The following ADK variants were observed in gnomAD, a reference collection of about 807,000 sequenced individuals.
ADK encodes N6,N6-dimethyladenosine kinase.
Under a neutral mutation model 44.7 loss-of-function variants are expected in ADK, and 24 were observed. The observed-to-expected ratio is 0.54, with a 90% confidence interval of 0.39 to 0.76. The LOEUF is 0.76. Ranked by LOEUF, ADK falls within the 30% of genes least tolerant of loss-of-function variation. ADK has a pLI of 0.00. For synonymous variants in ADK, 128 were observed against 142.6 expected (o/e 0.90, Z 0.73); for missense variants, 321 against 425.1 (o/e 0.76, Z 2.15).
intron 1 of ADK, among the ~76,000 whole-genome samples, chr10:74,179,850 G>T (rs1473508025): frequency 2.0e-5 from 3 of 152,090 alleles, no homozygotes; most frequent in Non-Finnish European, 4.4e-5. Flanking sequence ...TTATGGACTT[G>T]CCTTGAATTC....
At chr10:74,193,497 A>G (rs1843021306) in intron 1 of ADK, among the ~76,000 whole-genome samples, 1 of 151,786 alleles carries the variant, frequency 6.6e-6, no homozygotes, top group Admixed American at 6.6e-5. Flanking sequence ...ATAAAAGTGT[A>G]TCTTGTGCTA....
intron 3 of ADK, among the ~76,000 whole-genome samples, chr10:74,288,129 G>A (rs1451948855): frequency 1.3e-5 from 2 of 152,036 alleles, no homozygotes; most frequent in African/African-American, 4.8e-5. Context: ...AGACATGAGT[G>A]TAAAGCATAT....
At chr10:74,203,217 C>T (rs554224481) in intron 2 of ADK, among the ~76,000 whole-genome samples, 2 of 152,268 alleles carry the variant, frequency 1.3e-5, no homozygotes, top group African/African-American at 4.8e-5. Flanking sequence ...TTCTTTTCCC[C>T]ACTGAATGAT....
intron 9 of ADK, among the ~76,000 whole-genome samples, chr10:74,634,507 C>A (rs1463834719): frequency 6.6e-6 from 1 of 152,140 alleles, no homozygotes; most frequent in Non-Finnish European, 1.5e-5. Context: ...GCCACCATGC[C>A]CGGCTGGCAT....
At chr10:74,258,565 T>C (rs997857363) in intron 3 of ADK, among the ~76,000 whole-genome samples, 3 of 152,184 alleles carry the variant, frequency 2.0e-5, no homozygotes, top group Non-Finnish European at 4.4e-5. Flanking sequence ...CTTAGCAGGA[T>C]ACGGTACATC....
chr10:74,397,356 GA>G (rs753121457), intron 5 of ADK, among the ~76,000 whole-genome samples: 2 of 151,462 alleles, frequency 1.3e-5, no homozygotes, highest in African/African-American at 2.4e-5. Flanking sequence ...GAAATGATAA[GA>G]TTTTTTTTGT....
chr10:74,212,888 A>G (rs1248796229), intron 2 of ADK, among the ~76,000 whole-genome samples: 1 of 200 alleles, frequency 5.0e-3, no homozygotes, highest in African/African-American at 0.016. Flanking sequence ...TGATTTAATG[A>G]AGAGGGTAAA....
intron 2 of ADK, among the ~76,000 whole-genome samples, chr10:74,206,914 G>T (rs1843619152): frequency 6.6e-6 from 1 of 152,144 alleles, no homozygotes; most frequent in Non-Finnish European, 1.5e-5. Context: ...AGGTTTGCTT[G>T]TGCCTGCCAG....
chr10:74,523,107 A>G (rs1472335237), intron 6 of ADK, among the ~76,000 whole-genome samples: 2 of 152,142 alleles, frequency 1.3e-5, no homozygotes, highest in Non-Finnish European at 1.5e-5. Flanking sequence ...TAACTTCTCT[A>G]TCTTGCTTTA....
chr10:74,295,080 C>T (rs1056417254), intron 3 of ADK, among the ~76,000 whole-genome samples: 8 of 151,252 alleles, frequency 5.3e-5, no homozygotes, highest in Middle Eastern at 3.4e-3. Context: ...TGGTCTCGAA[C>T]TCCTGAACTC....
At chr10:74,284,881 T>A (rs1847099452) in intron 3 of ADK, among the ~76,000 whole-genome samples, 1 of 152,258 alleles carries the variant, frequency 6.6e-6, no homozygotes, top group Non-Finnish European at 1.5e-5. Context: ...ATAGATTTAC[T>A]CATTTTACAA....
intron 6 of ADK, among the ~76,000 whole-genome samples, chr10:74,469,377 A>G (rs1475262586): frequency 6.6e-6 from 1 of 152,164 alleles, no homozygotes; most frequent in Non-Finnish European, 1.5e-5. Flanking sequence ...TTTATTTTTT[A>G]GAGATAGGGT....
intron 6 of ADK, among the ~76,000 whole-genome samples, chr10:74,419,626 G>A (rs1298555054): frequency 2.0e-5 from 3 of 152,124 alleles, no homozygotes; most frequent in Non-Finnish European, 4.4e-5. Context: ...GCTGCTATAA[G>A]TATGATGAAA....
chr10:74,525,445 T>C lies in ADK; in HGVS notation c.726+19T>C. On this transcript the variant is annotated intron_variant, in intron 7 of 10. Coordinates refer to ENST00000539909, the MANE Select transcript of ADK (RefSeq NM_006721.4). The stretch of plus-strand genomic sequence containing the variant: ...TGAGACAGTGAGTTACCTTTCCTTT[T>C]TCAAAAGAACCTGGGGGTTTTTTGT... 2.5e-6 allele frequency: 4 copies of C among 1,601,022 alleles called. No homozygotes were observed. Among genetic ancestry groups the C allele is most frequent in the Non-Finnish European group, 3.4e-6 (4 of 1,172,184 alleles).
intron 7 of ADK, among the ~76,000 whole-genome samples, chr10:74,586,358 G>T (rs1192838641): frequency 6.6e-6 from 1 of 152,080 alleles, no homozygotes; most frequent in Non-Finnish European, 1.5e-5. Context: ...GTGTGAGGGG[G>T]CACTAAGACA....
At chr10:74,238,626 G>C (rs577394993) in intron 3 of ADK, among the ~76,000 whole-genome samples, 1 of 152,246 alleles carries the variant, frequency 6.6e-6, no homozygotes, top group Admixed American at 6.5e-5. Context: ...AAGCATGGAA[G>C]ATTTGTGTTA....
Position 74,651,903 on chromosome 10 carries a change from A to G in ADK, c.878-18280A>G, listed in dbSNP as rs535607930. On this transcript the variant is annotated intron_variant, in intron 9 of 10. Transcript: ENST00000539909. ...TGAGGTAAGAAGCCAGATATAAAAGAACATATACTGTATGATTACATTTAT... is the reference window on the plus strand; with the variant it reads ...TGAGGTAAGAAGCCAGATATAAAAGGACATATACTGTATGATTACATTTAT... 3.3e-5 allele frequency among the ~76,000 whole-genome samples: 5 copies of G among 152,340 alleles called. No homozygotes were observed. The East Asian group carries it at 9.6e-4, about 29-fold the overall frequency.
At chr10:74,174,416 G>A (rs1482080976) in intron 1 of ADK, 1 of 151,228 alleles carries the variant, frequency 6.6e-6, no homozygotes, top group Non-Finnish European at 1.5e-5. Flanking sequence ...ACCTTTACAG[G>A]CTTGCTACTC....
At chr10:74,407,926 T>C (rs1844009818) in intron 6 of ADK, among the ~76,000 whole-genome samples, 2 of 152,150 alleles carry the variant, frequency 1.3e-5, no homozygotes, top group East Asian at 1.9e-4. Context: ...TGCAAATCTC[T>C]AGGTTGATTT....
Sources: allele counts gnomAD v4.1 joint callset (sites outside exome capture counted in the v4.1 genomes callset), GRCh38; gene constraint gnomAD v4.1.1; transcripts MANE v1.5; gene names NCBI Gene and HGNC (gene_info 2026-07-23, HGNC 2026-07-21).